OTC: variants seen among roughly 807,000 people sequenced by gnomAD.
The protein encoded by OTC is ornithine transcarbamylase.
Under a neutral mutation model 30.3 loss-of-function variants are expected in OTC, and 3 were observed. That is an observed-to-expected ratio of 0.10 (90% CI 0.05 to 0.26). The LOEUF (loss-of-function observed/expected upper bound fraction) is 0.26. OTC is among the 10% of genes least tolerant of loss of function. OTC has a pLI of 1.00. For missense variants in OTC, 194 were observed against 260.3 expected (o/e 0.75, Z 1.75); for synonymous variants, 111 against 99.7 (o/e 1.11, Z -0.67).
the OTC span, among the ~76,000 whole-genome samples, chrX:38,337,149 G>A: frequency 8.9e-6 from 1 of 111,813 alleles, no homozygotes; most frequent in African/African-American, 3.2e-5. Flanking sequence ...CCACCAAATA[G>A]CATGCCTTAG....
intron 4 of OTC, among the ~76,000 whole-genome samples, chrX:38,386,606 C>T (rs1415887996): frequency 9.0e-6 from 1 of 110,914 alleles, no homozygotes; most frequent in Non-Finnish European, 1.9e-5. Flanking sequence ...TCTCCGCGTT[C>T]GTTCGTGATA....
chrX:38,386,410 A>C (rs1278358682), intron 4 of OTC, among the ~76,000 whole-genome samples: 1 of 106,845 alleles, frequency 9.4e-6, no homozygotes, highest in Non-Finnish European at 1.9e-5. Flanking sequence ...TATGTAACTT[A>C]TTCATTCATC....
the OTC span, among the ~76,000 whole-genome samples, chrX:38,346,279 A>G: frequency 8.9e-6 from 1 of 112,254 alleles, no homozygotes; most frequent in Non-Finnish European, 1.9e-5. Flanking sequence ...TGGGGTGACA[A>G]TGAAAAATAT....
chrX:38,370,591 A>G (rs922447067), intron 3 of OTC, among the ~76,000 whole-genome samples: 5 of 111,325 alleles, frequency 4.5e-5, no homozygotes, highest in African/African-American at 1.3e-4. Context: ...CATTGGGAGG[A>G]ATGCACACGG....
intron 6 of OTC, among the ~76,000 whole-genome samples, chrX:38,404,284 T>C (rs917121542): frequency 9.8e-5 from 11 of 112,353 alleles, no homozygotes; most frequent in Middle Eastern, 4.6e-3. Context: ...GCATACTTCC[T>C]ACCTTGCTGC....
the OTC span, among the ~76,000 whole-genome samples, chrX:38,345,543 T>A: frequency 1.4e-5 from 1 of 70,274 alleles, no homozygotes; most frequent in Non-Finnish European, 2.9e-5. Context: ...TCCTAAACCA[T>A]ATTTTTTTTT....
At chrX:38,400,875 C>T (rs1216866962) in intron 4 of OTC, among the ~76,000 whole-genome samples, 1 of 112,636 alleles carries the variant, frequency 8.9e-6, no homozygotes, top group Non-Finnish European at 1.9e-5. Flanking sequence ...CTTGCAATTC[C>T]ACAGTGAAAA....
intron 9 of OTC, among the ~76,000 whole-genome samples, chrX:38,418,405 C>T (rs747633143): frequency 5.7e-4 from 64 of 112,010 alleles, no homozygotes; most frequent in Non-Finnish European, 1.1e-3. Flanking sequence ...GTATGGTTTA[C>T]AAATATTTTG....
At chrX:38,396,789 G>A (rs926749188) in intron 4 of OTC, among the ~76,000 whole-genome samples, 3 of 111,318 alleles carry the variant, frequency 2.7e-5, no homozygotes, top group African/African-American at 9.8e-5. Context: ...AAAAAATTTA[G>A]ACTACTTTTT....
downstream of OTC, chrX:38,421,561 T>G (rs2068595818): frequency 8.0e-6 from 1 of 124,249 alleles, no homozygotes. Context: ...GTGGTACAAT[T>G]TTCAGGCCAA....
At chrX:38,364,806 C>G (rs1257902294) in intron 1 of OTC, among the ~76,000 whole-genome samples, 2 of 104,416 alleles carry the variant, frequency 1.9e-5, no homozygotes, top group African/African-American at 7.1e-5. Context: ...AAAAAAAAAT[C>G]AGTCAATCAA....
chrX:38,370,362 T>A (rs930065359), intron 3 of OTC, among the ~76,000 whole-genome samples: 1 of 111,877 alleles, frequency 8.9e-6, no homozygotes, highest in Non-Finnish European at 1.9e-5. Context: ...ATGGAGAGTA[T>A]CTGAATGTCA....
At chrX:38,356,708 AGTCCT>A (rs947028716) in intron 1 of OTC, among the ~76,000 whole-genome samples, 3 of 110,528 alleles carry the variant, frequency 2.7e-5, no homozygotes, top group African/African-American at 9.9e-5. Flanking sequence ...CGGGACAGGC[AGTCCT>A]GTTCATCAGC....
At chrX:38,420,744 G>A (rs1271395229) in intron 9 of OTC, among the ~76,000 whole-genome samples, 1 of 111,077 alleles carries the variant, frequency 9.0e-6, no homozygotes, top group East Asian at 2.8e-4. Context: ...TACCACTGTA[G>A]CATCTCATTT....
intron 9 of OTC, among the ~76,000 whole-genome samples, chrX:38,420,265 A>C (rs1485901075): frequency 1.8e-5 from 2 of 111,282 alleles, no homozygotes; most frequent in African/African-American, 3.3e-5. Context: ...AATAAAAGCT[A>C]CCTTAGAATT....
At chrX:38,385,562 C>A (rs1377478040) in intron 4 of OTC, among the ~76,000 whole-genome samples, 1 of 111,620 alleles carries the variant, frequency 9.0e-6, no homozygotes, top group Non-Finnish European at 1.9e-5. Flanking sequence ...ACAGAAAGAA[C>A]TGCTGATGCA....
intron 4 of OTC, among the ~76,000 whole-genome samples, chrX:38,391,945 A>T (rs186061626): frequency 8.9e-6 from 1 of 112,096 alleles, no homozygotes; most frequent in African/African-American, 3.2e-5. Context: ...AGAGCCACTG[A>T]TACCACCATC....
intron 4 of OTC, among the ~76,000 whole-genome samples, chrX:38,386,382 A>ATATATAT (rs1293229285): frequency 5.4e-5 from 4 of 73,760 alleles, no homozygotes; most frequent in Admixed American, 3.1e-4. Context: ...CAAAAAAAAA[A>ATATATAT]AAAAATATAT....
chrX:38,332,523 T>TATATATATATATATATATAC, the OTC span, among the ~76,000 whole-genome samples: 303 of 86,356 alleles, frequency 3.5e-3, 9 homozygotes, highest in African/African-American at 0.013. Flanking sequence ...TATATATATA[T>TATATATATATATATATATAC]ATATATATAT....
Sources: allele counts gnomAD v4.1 joint callset (sites outside exome capture counted in the v4.1 genomes callset), GRCh38; gene constraint gnomAD v4.1.1; transcripts MANE v1.5; gene names NCBI Gene and HGNC (gene_info 2026-07-23, HGNC 2026-07-21).